PIP4K2A: variants seen among roughly 807,000 people sequenced by gnomAD.
The protein encoded by PIP4K2A is phosphatidylinositol-5-phosphate 4-kinase type 2 alpha, also known as phosphatidylinositol 5-phosphate 4-kinase type-2 alpha.
Under a neutral mutation model 42.9 loss-of-function variants are expected in PIP4K2A, and 14 were observed. The observed-to-expected ratio is 0.33, with a 90% CI of 0.22 to 0.51. The LOEUF (loss-of-function observed/expected upper bound fraction) is 0.51. Ranked by LOEUF, PIP4K2A falls within the 20% of genes least tolerant of loss-of-function variation. PIP4K2A has a pLI of 0.97. For synonymous variants in PIP4K2A, 192 were observed against 192.2 expected (o/e 1.00, Z 0.01); for missense variants, 434 against 519.8 (o/e 0.83, Z 1.61).
At chr10:22,635,112 C>T (rs547608382) in intron 1 of PIP4K2A, among the ~76,000 whole-genome samples, 3 of 151,928 alleles carry the variant, frequency 2.0e-5, no homozygotes, top group African/African-American at 4.8e-5. Context: ...AGGTGAAGCA[C>T]GACAGATTTG....
At chr10:22,634,076 T>C (rs967385757) in intron 1 of PIP4K2A, among the ~76,000 whole-genome samples, 1 of 152,210 alleles carries the variant, frequency 6.6e-6, no homozygotes, top group Non-Finnish European at 1.5e-5. Flanking sequence ...TTATGGGACT[T>C]AGAGTCACTA....
intron 1 of PIP4K2A, among the ~76,000 whole-genome samples, chr10:22,664,049 A>ATATGTATATATACATATATATATATACG (rs1564459677): frequency 1.7e-4 from 14 of 81,056 alleles, no homozygotes; most frequent in East Asian, 4.8e-4. Context: ...ATATATATAC[A>ATATGTATATATACATATATATATATACG]TATGTATATA....
chr10:22,544,641 C>T (rs886372645), intron 7 of PIP4K2A, among the ~76,000 whole-genome samples: 5 of 152,194 alleles, frequency 3.3e-5, no homozygotes, highest in African/African-American at 1.2e-4. Flanking sequence ...GTGCCTCAAC[C>T]ACCCCTCCAG....
intron 6 of PIP4K2A, among the ~76,000 whole-genome samples, chr10:22,555,076 C>A (rs1836503087): frequency 6.6e-6 from 1 of 152,256 alleles, no homozygotes; most frequent in South Asian, 2.1e-4. Context: ...GTTCCCCCCG[C>A]AGCCTGGCTG....
intron 4 of PIP4K2A, among the ~76,000 whole-genome samples, chr10:22,588,054 T>C (rs974048488): frequency 1.3e-5 from 2 of 152,246 alleles, no homozygotes; most frequent in Admixed American, 6.5e-5. Flanking sequence ...ACTGTTACTC[T>C]TCACTGCTGC....
intron 1 of PIP4K2A, among the ~76,000 whole-genome samples, chr10:22,622,400 G>A (rs1838350815): frequency 1.3e-5 from 2 of 152,200 alleles, no homozygotes; most frequent in South Asian, 4.1e-4. Context: ...TCGGGCACGG[G>A]AAGACCCAGC....
chr10:22,668,760 A>G (rs1433954596), intron 1 of PIP4K2A, among the ~76,000 whole-genome samples: 3 of 152,246 alleles, frequency 2.0e-5, no homozygotes, highest in African/African-American at 7.2e-5. Context: ...TAGCAACAGT[A>G]GATATTAAAC....
At chr10:22,677,172 A>T (rs962802544) in intron 1 of PIP4K2A, among the ~76,000 whole-genome samples, 4 of 152,126 alleles carry the variant, frequency 2.6e-5, no homozygotes, top group Admixed American at 6.5e-5. Context: ...CAAAGAAGGT[A>T]TTGGGCCCAG....
chr10:22,549,758 G>A lies in PIP4K2A; in HGVS notation c.792+901C>T, dbSNP rs576887857. 1.5e-4 allele frequency among the ~76,000 whole-genome samples: 21 copies of A among 138,360 alleles called. No homozygotes were observed. In the East Asian group the frequency reaches 2.3e-3, roughly 15 times the overall value. The allele number at this position is 138,360 out of a possible 152,430, so 90.8% of individuals were successfully genotyped here. A position where few individuals can be genotyped will look rare whatever the true frequency, so the allele number is the denominator to read the frequency against. ...CAGGAGGCTGAGGCGGGAGAATGGC[G>A]TGAACCTGGGAGGCAGAGCTTGCAG... On this transcript the variant is annotated intron_variant, in intron 7 of 9. Coordinates refer to ENST00000376573, the MANE Select transcript of PIP4K2A (RefSeq NM_005028.5).
At chr10:22,646,205 CA>C (rs1364244231) in intron 1 of PIP4K2A, 1 of 152,172 alleles carries the variant, frequency 6.6e-6, no homozygotes, top group Non-Finnish European at 1.5e-5. Context: ...GTACTTTGGT[CA>C]CCAAGAACCC....
chr10:22,714,043 G>A (rs961126352), intron 1 of PIP4K2A, 140 bp downstream of exon 1: 5 of 849,698 alleles, frequency 5.9e-6, no homozygotes. Flanking sequence ...GGGGCTGGGG[G>A]CTTCGAGGCG....
intron 4 of PIP4K2A, among the ~76,000 whole-genome samples, chr10:22,580,428 T>A (rs1837242894): frequency 6.6e-6 from 1 of 151,900 alleles, no homozygotes; most frequent in South Asian, 2.1e-4. Context: ...GGCGGGCGGA[T>A]TACTTGAGCC....
intron 1 of PIP4K2A, among the ~76,000 whole-genome samples, chr10:22,629,377 AT>A: frequency 6.6e-6 from 1 of 152,340 alleles, no homozygotes; most frequent in East Asian, 1.9e-4. Context: ...AACTGCAGTC[AT>A]ACCTCGAGTC....
intron 7 of PIP4K2A, among the ~76,000 whole-genome samples, chr10:22,543,357 A>G (rs1053031665): frequency 3.3e-5 from 5 of 152,242 alleles, no homozygotes; most frequent in African/African-American, 4.8e-5. Context: ...CCCCAGGGCC[A>G]GCTATATCTT....
chr10:22,653,969 G>T (rs1839043186), intron 1 of PIP4K2A, among the ~76,000 whole-genome samples: 1 of 152,196 alleles, frequency 6.6e-6, no homozygotes, highest in Non-Finnish European at 1.5e-5. Flanking sequence ...AATACCAAGA[G>T]AAAACAGCTG....
intron 1 of PIP4K2A, among the ~76,000 whole-genome samples, chr10:22,611,426 C>CA (rs1588662349): frequency 1.4e-5 from 2 of 146,388 alleles, no homozygotes; most frequent in African/African-American, 2.5e-5. Flanking sequence ...AAAAAAAAAA[C>CA]AAAAAAAAGC....
At chr10:22,581,683 C>A (rs943734035) in intron 4 of PIP4K2A, among the ~76,000 whole-genome samples, 7 of 152,056 alleles carry the variant, frequency 4.6e-5, no homozygotes, top group Non-Finnish European at 4.4e-5. Context: ...CATTACTTAC[C>A]ACATAATAGC....
intron 9 of PIP4K2A, among the ~76,000 whole-genome samples, chr10:22,539,195 G>T (rs923250242): frequency 2.6e-5 from 4 of 152,194 alleles, no homozygotes; most frequent in African/African-American, 7.2e-5. Flanking sequence ...GAGCCAGGAG[G>T]GGGCTGGGTC....
chr10:22,629,306 C>T (rs1838504525), intron 1 of PIP4K2A, among the ~76,000 whole-genome samples: 1 of 152,176 alleles, frequency 6.6e-6, no homozygotes, highest in South Asian at 2.1e-4. Flanking sequence ...GTCCACCATA[C>T]TTGCATTCTT....
Sources: allele counts gnomAD v4.1 joint callset (sites outside exome capture counted in the v4.1 genomes callset), GRCh38; gene constraint gnomAD v4.1.1; transcripts MANE v1.5; gene names NCBI Gene and HGNC (gene_info 2026-07-23, HGNC 2026-07-21).